The following DPYD variants were observed in gnomAD, a reference collection of about 807,000 sequenced individuals.
DPYD encodes dihydropyrimidine dehydrogenase.
A neutral mutation model predicts 116.2 loss-of-function variants in DPYD; 109 were observed. The observed-to-expected ratio is 0.94, with a 90% CI of 0.80 to 1.10. The LOEUF (loss-of-function observed/expected upper bound fraction) is 1.10. Among genes scored for constraint, DPYD ranks in the 50% least tolerant of loss-of-function variants. The probability of loss-of-function intolerance (pLI) is 0.00; values close to 1 mark genes in which losing one functional copy is unlikely to be tolerated. For synonymous variants in DPYD, 440 were observed against 432.0 expected (o/e 1.02, Z -0.23); for missense variants, 1,302 against 1,254.5 (o/e 1.04, Z -0.57).
intron 14 of DPYD, among the ~76,000 whole-genome samples, chr1:97,430,156 A>G (rs532453482): frequency 6.6e-6 from 1 of 152,146 alleles, no homozygotes. Flanking sequence ...TCCTACTATC[A>G]TTAAGACTGT....
At chr1:97,529,543 C>A (rs1649409925) in intron 12 of DPYD, among the ~76,000 whole-genome samples, 1 of 152,140 alleles carries the variant, frequency 6.6e-6, no homozygotes, top group African/African-American at 2.4e-5. Flanking sequence ...AAAGTCAGTG[C>A]TTTGGATATA....
At chr1:97,477,715 G>T (rs1678061467) in intron 13 of DPYD, among the ~76,000 whole-genome samples, 1 of 149,656 alleles carries the variant, frequency 6.7e-6, no homozygotes, top group Non-Finnish European at 1.5e-5. Context: ...CTGCTTCCCG[G>T]GTTCACGCCA....
chr1:97,815,581 C>A (rs1407705449), intron 3 of DPYD, among the ~76,000 whole-genome samples: 1 of 152,198 alleles, frequency 6.6e-6, no homozygotes, highest in East Asian at 1.9e-4. Flanking sequence ...ACAGAGCACT[C>A]TCACTGAACA....
intron 14 of DPYD, among the ~76,000 whole-genome samples, chr1:97,444,135 A>G (rs1054538023): frequency 6.6e-6 from 1 of 152,188 alleles, no homozygotes; most frequent in Non-Finnish European, 1.5e-5. Context: ...ACAGCAAAAC[A>G]ATGCTTGGCT....
At chr1:97,290,136 C>T (rs1221495614) in intron 18 of DPYD, among the ~76,000 whole-genome samples, 5 of 152,018 alleles carry the variant, frequency 3.3e-5, no homozygotes, top group Non-Finnish European at 2.9e-5. Context: ...TTACAAGGGA[C>T]GTGAAGGACC....
chr1:97,663,916 G>C (rs947849471), intron 8 of DPYD, among the ~76,000 whole-genome samples: 3 of 152,150 alleles, frequency 2.0e-5, no homozygotes, highest in Non-Finnish European at 2.9e-5. Context: ...TGAATGAATA[G>C]AAATATATAC....
At chr1:97,423,503 T>A (rs1270291707) in intron 14 of DPYD, among the ~76,000 whole-genome samples, 1 of 152,100 alleles carries the variant, frequency 6.6e-6, no homozygotes, top group Non-Finnish European at 1.5e-5. Context: ...GAATTGGTCA[T>A]GGGCAATTGT....
chr1:97,842,558 A>T (rs1670088546), intron 2 of DPYD, among the ~76,000 whole-genome samples: 1 of 152,036 alleles, frequency 6.6e-6, no homozygotes, highest in African/African-American at 2.4e-5. Flanking sequence ...TTGCATAATG[A>T]TTCTACTAAA....
chr1:97,331,428 T>C lies in DPYD; in HGVS notation c.2059-25131A>G, dbSNP rs564022055. Among the ~76,000 whole-genome samples, 40 of 152,248 alleles carry C rather than the reference T, an allele frequency of 2.6e-4. No homozygotes were observed. The Middle Eastern group carries it at 0.01, about 39-fold the overall frequency. On this transcript the variant is annotated intron_variant, in intron 16 of 22. Coordinates refer to ENST00000370192, the MANE Select transcript of DPYD (RefSeq NM_000110.4). ...AGGAGAGTTCGAGGTTACAGTAAGC[T>C]ATGGCTGTGCGACTGTACTACATCC... is the stretch of plus-strand genomic sequence containing the variant.
chr1:97,241,292 C>T lies in DPYD; in HGVS notation c.2300-6298G>A, dbSNP rs138718006. On this transcript the variant is annotated intron_variant, in intron 18 of 22. Transcript: ENST00000370192. ...TTTCTGAAAGTGTCAGCTACTGTTA[C>T]TGGAATGAGTAGGATCACTCATTCA... 4.8e-3 allele frequency among the ~76,000 whole-genome samples: 727 copies of T among 152,042 alleles called. 10 individuals are homozygous for T. Among genetic ancestry groups the T allele is most frequent in the African/African-American group, 0.017 (702 of 41,520 alleles).
At chr1:97,562,149 A>G (rs1288791128) in intron 11 of DPYD, among the ~76,000 whole-genome samples, 1 of 152,224 alleles carries the variant, frequency 6.6e-6, no homozygotes, top group East Asian at 1.9e-4. Context: ...ACATCCCACA[A>G]GTATGTAGGA....
chr1:97,369,877 T>C (rs558613559), intron 16 of DPYD, among the ~76,000 whole-genome samples: 2 of 152,102 alleles, frequency 1.3e-5, no homozygotes, highest in Non-Finnish European at 2.9e-5. Flanking sequence ...TTCATCAAAG[T>C]AAAATATACC....
intron 2 of DPYD, among the ~76,000 whole-genome samples, chr1:97,828,522 T>C (rs1669363253): frequency 6.6e-6 from 1 of 152,120 alleles, no homozygotes; most frequent in African/African-American, 2.4e-5. Flanking sequence ...TAAAAATTAG[T>C]TCTCTAAAAT....
At chr1:97,330,534 C>A (rs919514655) in intron 16 of DPYD, among the ~76,000 whole-genome samples, 1 of 152,074 alleles carries the variant, frequency 6.6e-6, no homozygotes, top group African/African-American at 2.4e-5. Context: ...TAAGACAAAG[C>A]TACTTTTCTC....
chr1:97,328,709 C>A (rs1607779), intron 16 of DPYD, among the ~76,000 whole-genome samples: 147,918 of 152,252 alleles, frequency 0.97, 71,997 homozygotes, highest in East Asian at 1. Flanking sequence ...AGAACTATAT[C>A]CTACTAGAAA....
chr1:97,919,308 G>A (rs1674380811), intron 1 of DPYD, among the ~76,000 whole-genome samples: 1 of 152,232 alleles, frequency 6.6e-6, no homozygotes, highest in Non-Finnish European at 1.5e-5. Context: ...AGGTTGAATT[G>A]AGTGGAGGGA....
In DPYD at chr1:97,264,162, GTTTTTTTTTTTTTTTTTTTTTT is replaced by G. The variant is rs71071641; in HGVS notation, c.2300-29190_2300-29169del. On this transcript the variant is annotated intron_variant, in intron 18 of 22. Transcript: ENST00000370192. ...TTCTGAATCTTAATAGCAAAATTCT[GTTTTTTTTTTTTTTTTTTTTTT>G]TTTTTTTTTGGACAAAGTCTTACTC... 6.7e-5 allele frequency among the ~76,000 whole-genome samples: 4 copies of G among 60,076 alleles called. No homozygotes were observed. In the East Asian group the frequency reaches 2.2e-3, roughly 33 times the overall value. 39.4% of individuals were successfully genotyped at this position (60,076 alleles called of 152,430 possible).
intron 12 of DPYD, among the ~76,000 whole-genome samples, chr1:97,534,794 A>G (rs1379070511): frequency 1.3e-5 from 2 of 152,084 alleles, no homozygotes; most frequent in Non-Finnish European, 2.9e-5. Flanking sequence ...TGGTTAATCC[A>G]TAGGTAATTT....
chr1:97,433,217 G>A (rs1675280331), intron 14 of DPYD, among the ~76,000 whole-genome samples: 1 of 152,240 alleles, frequency 6.6e-6, no homozygotes, highest in Admixed American at 6.5e-5. Context: ...GGCCCTGCTT[G>A]CCTTAGGGGG....
Sources: allele counts gnomAD v4.1 joint callset (sites outside exome capture counted in the v4.1 genomes callset), GRCh38; gene constraint gnomAD v4.1.1; transcripts MANE v1.5; gene names NCBI Gene and HGNC (gene_info 2026-07-23, HGNC 2026-07-21).